Variants in ENTREP2 observed in about 807,000 individuals in gnomAD.
ENTREP2 encodes protein ENTREP2.
At chr15:29,644,326 AC>A in the ENTREP2 span, among the ~76,000 whole-genome samples, 1 of 152,180 alleles carries the variant, frequency 6.6e-6, no homozygotes, top group South Asian at 2.1e-4. Context: ...GAAAATAAAA[AC>A]GTTCTAAAAT....
the ENTREP2 span, chr15:29,234,668 A>G: frequency 6.4e-7 from 1 of 1,566,180 alleles, no homozygotes; most frequent in Non-Finnish European, 8.8e-7. Flanking sequence ...ACAAGAGAGA[A>G]AAGTGTAAGG....
At chr15:29,600,902 C>CCTTTTTTTTTTTTTTTTTTT in the ENTREP2 span, among the ~76,000 whole-genome samples, 2 of 123,620 alleles carry the variant, frequency 1.6e-5, no homozygotes, top group African/African-American at 7.2e-5. Context: ...ATTTTTCTTT[C>CCTTTTTTTTTTTTTTTTTTT]TTTTTTTTTT....
the ENTREP2 span, among the ~76,000 whole-genome samples, chr15:29,486,456 C>T: frequency 2.6e-5 from 4 of 152,078 alleles, no homozygotes; most frequent in Non-Finnish European, 5.9e-5. Flanking sequence ...TTTGGGAGGC[C>T]GAGGTGGGCA....
the ENTREP2 span, among the ~76,000 whole-genome samples, chr15:29,131,095 CACTT>C: frequency 6.6e-6 from 1 of 152,156 alleles, no homozygotes; most frequent in African/African-American, 2.4e-5. Flanking sequence ...GAAGCTAAGA[CACTT>C]GCATGGAAAT....
the ENTREP2 span, among the ~76,000 whole-genome samples, chr15:29,331,509 ACT>A: frequency 6.6e-6 from 1 of 151,978 alleles, no homozygotes; most frequent in Admixed American, 6.5e-5. Context: ...CCAGAAATTG[ACT>A]CTCCTAATCC....
At chr15:29,157,374 G>A in the ENTREP2 span, among the ~76,000 whole-genome samples, 10 of 152,166 alleles carry the variant, frequency 6.6e-5, no homozygotes, top group African/African-American at 9.7e-5. Context: ...GGGGGCCTCC[G>A]CAGGCTCCCT....
At chr15:29,296,301 C>A in the ENTREP2 span, among the ~76,000 whole-genome samples, 1 of 152,148 alleles carries the variant, frequency 6.6e-6, no homozygotes, top group Non-Finnish European at 1.5e-5. Flanking sequence ...GAAATAGTTA[C>A]ATTCAGGGTG....
chr15:29,352,046 C>G, the ENTREP2 span, among the ~76,000 whole-genome samples: 7 of 152,136 alleles, frequency 4.6e-5, no homozygotes, highest in Admixed American at 1.3e-4. Flanking sequence ...GCGATCCTCC[C>G]ACCTCAGCCT....
At chr15:29,201,752 G>A in the ENTREP2 span, among the ~76,000 whole-genome samples, 1 of 151,858 alleles carries the variant, frequency 6.6e-6, no homozygotes, top group Admixed American at 6.6e-5. Flanking sequence ...TTTCTATACT[G>A]TCTTTGTCTG....
the ENTREP2 span, among the ~76,000 whole-genome samples, chr15:29,385,629 C>G: frequency 1.2e-4 from 18 of 152,122 alleles, no homozygotes; most frequent in African/African-American, 4.3e-4. Flanking sequence ...TAACATGGCC[C>G]CAGCAACACT....
the ENTREP2 span, among the ~76,000 whole-genome samples, chr15:29,434,995 A>T: frequency 6.6e-6 from 1 of 152,066 alleles, no homozygotes; most frequent in African/African-American, 2.4e-5. Context: ...ACTGCTCTAA[A>T]CCCAGTGAGA....
At chr15:29,320,031 C>T in the ENTREP2 span, among the ~76,000 whole-genome samples, 2 of 152,192 alleles carry the variant, frequency 1.3e-5, no homozygotes, top group East Asian at 3.9e-4. Context: ...AAGGCCTGCT[C>T]TCCAACACAG....
the ENTREP2 span, among the ~76,000 whole-genome samples, chr15:29,662,772 G>A: frequency 6.6e-6 from 1 of 152,064 alleles, no homozygotes; most frequent in East Asian, 1.9e-4. Context: ...CCAGGCTGGA[G>A]TGCAATGGCG....
chr15:29,615,451 GC>G, the ENTREP2 span, among the ~76,000 whole-genome samples: 1 of 152,038 alleles, frequency 6.6e-6, no homozygotes, highest in African/African-American at 2.4e-5. Context: ...ACAACGCCTG[GC>G]CCCCTCTCAC....
At chr15:29,535,998 C>A in the ENTREP2 span, among the ~76,000 whole-genome samples, 1 of 152,144 alleles carries the variant, frequency 6.6e-6, no homozygotes, top group Non-Finnish European at 1.5e-5. Context: ...TGCCCAACAG[C>A]CACGTTCCCT....
the ENTREP2 span, among the ~76,000 whole-genome samples, chr15:29,645,902 T>A: frequency 6.6e-6 from 1 of 152,072 alleles, no homozygotes; most frequent in Non-Finnish European, 1.5e-5. Flanking sequence ...TTGTGGGAAA[T>A]GCTCAGTATT....
At chr15:29,170,694 C>G in the ENTREP2 span, among the ~76,000 whole-genome samples, 1 of 152,198 alleles carries the variant, frequency 6.6e-6, no homozygotes, top group African/African-American at 2.4e-5. Flanking sequence ...TGTGAGGACA[C>G]AGTGACAAGG....
At chr15:29,329,123 G>A in the ENTREP2 span, among the ~76,000 whole-genome samples, 3 of 152,186 alleles carry the variant, frequency 2.0e-5, no homozygotes, top group Non-Finnish European at 2.9e-5. Context: ...AGCATTTTGG[G>A]AGGCCGAGGC....
chr15:29,386,434 G>C, the ENTREP2 span, among the ~76,000 whole-genome samples: 1 of 152,158 alleles, frequency 6.6e-6, no homozygotes, highest in Non-Finnish European at 1.5e-5. Context: ...TCACACGCCC[G>C]GTGAGGCGGA....
Sources: allele counts gnomAD v4.1 joint callset (sites outside exome capture counted in the v4.1 genomes callset), GRCh38; gene constraint gnomAD v4.1.1; transcripts MANE v1.5; gene names NCBI Gene and HGNC (gene_info 2026-07-23, HGNC 2026-07-21).